EYS: variants seen among roughly 807,000 people sequenced by gnomAD.
The protein encoded by EYS is EGF-like photoreceptor maintenance factor, also known as protein eyes shut homolog.
EYS carries 250 observed loss-of-function variants against 282.1 expected under a neutral mutation model. The ratio of observed to expected loss-of-function variants is 0.89; its 90% CI spans 0.80 to 0.98. The LOEUF is 0.98. Ranked by LOEUF, EYS falls within the 50% of genes least tolerant of loss-of-function variation. The pLI is 0.00. For synonymous variants in EYS, 1,355 were observed against 1,282.9 expected (o/e 1.06, Z -1.20); for missense variants, 4,016 against 3,709.0 (o/e 1.08, Z -2.15).
chr6:64,940,999 G>A (rs1769070451), intron 15 of EYS, among the ~76,000 whole-genome samples: 1 of 152,128 alleles, frequency 6.6e-6, no homozygotes, highest in African/African-American at 2.4e-5. Flanking sequence ...ATCTGCTTCT[G>A]AACAAGAAAA....
chr6:64,187,176 C>T (rs1764970609), intron 31 of EYS, among the ~76,000 whole-genome samples: 1 of 152,050 alleles, frequency 6.6e-6, no homozygotes, highest in Non-Finnish European at 1.5e-5. Flanking sequence ...TCAAAGTGTG[C>T]ATTTGTACTT....
chr6:64,756,564 T>A (rs1370411588), intron 22 of EYS, among the ~76,000 whole-genome samples: 1 of 152,196 alleles, frequency 6.6e-6, no homozygotes, highest in Non-Finnish European at 1.5e-5. Flanking sequence ...TCTATAAGTT[T>A]TAAATAACCT....
intron 14 of EYS, among the ~76,000 whole-genome samples, chr6:64,984,509 A>T (rs1770785443): frequency 2.0e-5 from 3 of 151,416 alleles, no homozygotes; most frequent in Admixed American, 2.0e-4. Context: ...CAGATTTTTA[A>T]ATGTTATTAA....
At chr6:64,147,911 T>C (rs1451671151) in intron 31 of EYS, among the ~76,000 whole-genome samples, 2 of 152,148 alleles carry the variant, frequency 1.3e-5, no homozygotes, top group African/African-American at 2.4e-5. Context: ...AAATAAACTT[T>C]TGTTTTGTCA....
intron 19 of EYS, among the ~76,000 whole-genome samples, chr6:64,849,262 T>G (rs945609581): frequency 6.6e-6 from 1 of 151,654 alleles, no homozygotes; most frequent in African/African-American, 2.4e-5. Context: ...ATTTATAATT[T>G]AATTAATATA....
rs116316259 is a variant in EYS at position 65,139,616 on chromosome 6, C to T, written c.2024-81889G>A. ...ATTTAAACAAATACAGACCCGCTCCCACCCTCATCTTCAAATGTTGAGTGG... is the reference window on the plus strand; with the variant it reads ...ATTTAAACAAATACAGACCCGCTCCTACCCTCATCTTCAAATGTTGAGTGG... On this transcript the variant is annotated intron_variant, in intron 12 of 42. Transcript: ENST00000503581. 1.9e-3 allele frequency among the ~76,000 whole-genome samples: 288 copies of T among 152,188 alleles called. 1 individual carries two copies. The highest frequency in any genetic ancestry group is 6.7e-3 in the African/African-American group (277 of 41,534).
intron 35 of EYS, among the ~76,000 whole-genome samples, chr6:63,944,745 G>T (rs1765344486): frequency 6.6e-6 from 1 of 151,954 alleles, no homozygotes. Flanking sequence ...GGCCAACGTG[G>T]CAAAACCCCG....
chr6:64,268,036 T>A (rs918381734), intron 30 of EYS, among the ~76,000 whole-genome samples: 4 of 152,136 alleles, frequency 2.6e-5, no homozygotes, highest in Admixed American at 2.0e-4. Flanking sequence ...GCAGATACAC[T>A]TGCATATATA....
At chr6:63,815,822 A>G (rs999712067) in intron 36 of EYS, among the ~76,000 whole-genome samples, 1 of 152,208 alleles carries the variant, frequency 6.6e-6, no homozygotes, top group Non-Finnish European at 1.5e-5. Context: ...ACAAATATAC[A>G]GGTCATTGAC....
intron 19 of EYS, among the ~76,000 whole-genome samples, chr6:64,850,761 C>T (rs1181385219): frequency 6.6e-6 from 1 of 151,844 alleles, no homozygotes; most frequent in Non-Finnish European, 1.5e-5. Context: ...ATTTACTATG[C>T]AGATGAAGGT....
intron 31 of EYS, among the ~76,000 whole-genome samples, chr6:64,120,080 G>A (rs1332042486): frequency 1.3e-5 from 2 of 151,730 alleles, no homozygotes; most frequent in Admixed American, 1.3e-4. Context: ...AGGCGTGGTG[G>A]CTTACACCTG....
intron 2 of EYS, among the ~76,000 whole-genome samples, chr6:65,576,085 C>T (rs1335516504): frequency 6.6e-6 from 1 of 151,944 alleles, no homozygotes; most frequent in Non-Finnish European, 1.5e-5. Context: ...TTTATGAAGT[C>T]AGCATTACCC....
At chr6:64,310,199 G>A (rs1036651942) in intron 29 of EYS, among the ~76,000 whole-genome samples, 2 of 152,064 alleles carry the variant, frequency 1.3e-5, no homozygotes, top group Non-Finnish European at 2.9e-5. Flanking sequence ...CTTAAAGACT[G>A]AAATACCACT....
intron 30 of EYS, among the ~76,000 whole-genome samples, chr6:64,273,387 C>A (rs1388650318): frequency 6.6e-6 from 1 of 152,142 alleles, no homozygotes; most frequent in African/African-American, 2.4e-5. Context: ...TAATCATCTG[C>A]AATCTAATCT....
At chr6:64,419,672 A>C (rs1774166874) in intron 28 of EYS, among the ~76,000 whole-genome samples, 1 of 152,226 alleles carries the variant, frequency 6.6e-6, no homozygotes, top group Non-Finnish European at 1.5e-5. Context: ...ATTAAACCTT[A>C]AAGTTCTGAA....
At chr6:64,556,082 T>C (rs1439398712) in intron 26 of EYS, among the ~76,000 whole-genome samples, 2 of 152,008 alleles carry the variant, frequency 1.3e-5, no homozygotes, top group Admixed American at 1.3e-4. Context: ...TTTAAAAGTT[T>C]CTTTTGTATT....
chr6:64,555,987 A>C (rs992710393), intron 26 of EYS, among the ~76,000 whole-genome samples: 2 of 152,040 alleles, frequency 1.3e-5, no homozygotes, highest in Non-Finnish European at 2.9e-5. Context: ...ACAGACAATA[A>C]AAAGTGCTGA....
chr6:65,605,869 T>C (rs897275407), intron 2 of EYS, among the ~76,000 whole-genome samples: 12 of 151,826 alleles, frequency 7.9e-5, no homozygotes, highest in Admixed American at 1.3e-4. Context: ...CGTCTGAAAA[T>C]GTAGAATAAA....
chr6:64,913,956 C>A (rs1165770183), intron 15 of EYS, among the ~76,000 whole-genome samples: 1 of 152,128 alleles, frequency 6.6e-6, no homozygotes, highest in Non-Finnish European at 1.5e-5. Flanking sequence ...AGGCTTCTAG[C>A]TCAGTCTAGT....
Sources: allele counts gnomAD v4.1 joint callset (sites outside exome capture counted in the v4.1 genomes callset), GRCh38; gene constraint gnomAD v4.1.1; transcripts MANE v1.5; gene names NCBI Gene and HGNC (gene_info 2026-07-23, HGNC 2026-07-21).